SUSD4: variants seen among roughly 807,000 people sequenced by gnomAD.
SUSD4 encodes sushi domain-containing protein 4.
A neutral mutation model predicts 50.5 loss-of-function variants in SUSD4; 41 were observed. The ratio of observed to expected loss-of-function variants is 0.81; its 90% CI spans 0.63 to 1.05. The LOEUF (loss-of-function observed/expected upper bound fraction) is 1.05. Ranked by LOEUF, SUSD4 falls within the 50% of genes least tolerant of loss-of-function variation. SUSD4 has a pLI of 0.00. For missense variants in SUSD4, 580 were observed against 634.7 expected (o/e 0.91, Z 0.93); for synonymous variants, 257 against 257.3 (o/e 1.00, Z 0.01).
intron 5 of SUSD4, among the ~76,000 whole-genome samples, chr1:223,238,564 A>C (rs1177850894): frequency 6.6e-6 from 1 of 152,034 alleles, no homozygotes; most frequent in African/African-American, 2.4e-5. Context: ...TTAGTTAAAA[A>C]TATTTTTAAA....
chr1:223,342,291 C>T (rs1667802888), intron 2 of SUSD4, among the ~76,000 whole-genome samples: 1 of 152,142 alleles, frequency 6.6e-6, no homozygotes, highest in Non-Finnish European at 1.5e-5. Context: ...TAAAAATGTT[C>T]TTTCTACCCA....
intron 3 of SUSD4, among the ~76,000 whole-genome samples, chr1:223,280,482 G>C (rs1663633061): frequency 1.3e-5 from 2 of 151,970 alleles, no homozygotes; most frequent in African/African-American, 4.8e-5. Context: ...GATCAAAAGA[G>C]ACAAAGAAGG....
At chr1:223,288,255 G>C (rs1409253601) in intron 3 of SUSD4, among the ~76,000 whole-genome samples, 1 of 152,074 alleles carries the variant, frequency 6.6e-6, no homozygotes, top group East Asian at 1.9e-4. Context: ...TAAAAGCAGG[G>C]GTTTTCCCTG....
At chr1:223,294,683 G>A (rs993165254) in intron 2 of SUSD4, among the ~76,000 whole-genome samples, 6 of 152,192 alleles carry the variant, frequency 3.9e-5, no homozygotes, top group Admixed American at 3.3e-4. Context: ...TCTGACACTT[G>A]TACTTATTAA....
chr1:223,251,010 T>A (rs1661266207), intron 5 of SUSD4, among the ~76,000 whole-genome samples: 1 of 152,192 alleles, frequency 6.6e-6, no homozygotes, highest in Non-Finnish European at 1.5e-5. Flanking sequence ...CCCAGATTCT[T>A]ACACTGAAAT....
At chr1:223,359,230 T>G (rs879005378) in intron 2 of SUSD4, 12 of 445,322 alleles carry the variant, frequency 2.7e-5, no homozygotes, top group South Asian at 1.6e-4. Flanking sequence ...AGAACCCCTA[T>G]TGGAGCTTCT....
At chr1:223,247,909 C>T (rs1249552038) in intron 5 of SUSD4, among the ~76,000 whole-genome samples, 2 of 152,146 alleles carry the variant, frequency 1.3e-5, no homozygotes, top group Admixed American at 1.3e-4. Flanking sequence ...TTCAGTGGAG[C>T]CAGTATGCAA....
At chr1:223,290,759 C>G (rs1664438925) in intron 3 of SUSD4, among the ~76,000 whole-genome samples, 1 of 120,416 alleles carries the variant, frequency 8.3e-6, no homozygotes, top group Admixed American at 8.3e-5. Flanking sequence ...TTTCTCACCC[C>G]CTTTCTTGCC....
chr1:223,297,449 G>A (rs1387957555), intron 2 of SUSD4, among the ~76,000 whole-genome samples: 1 of 152,192 alleles, frequency 6.6e-6, no homozygotes, highest in Admixed American at 6.5e-5. Flanking sequence ...CGGAGAGACA[G>A]GTGGGGTTAA....
At chr1:223,307,347 C>T (rs916084773) in intron 2 of SUSD4, among the ~76,000 whole-genome samples, 1 of 152,232 alleles carries the variant, frequency 6.6e-6, no homozygotes, top group African/African-American at 2.4e-5. Context: ...ATGGATACAA[C>T]TTCACAGTTT....
At chr1:223,364,369 T>G (rs1284110562), upstream of SUSD4, among the ~76,000 whole-genome samples, 40 of 14,230 alleles carry the variant, frequency 2.8e-3, no homozygotes, top group African/African-American at 4.9e-3. This position sits in a 1 kb window ranked among gnomAD's most constrained non-coding sequence, Gnocchi z 4.5. Flanking sequence ...ACGGGGTGAG[T>G]GGGGGGGCGG....
At chr1:223,275,909 C>T (rs760446814) in intron 3 of SUSD4, among the ~76,000 whole-genome samples, 2 of 152,214 alleles carry the variant, frequency 1.3e-5, no homozygotes, top group East Asian at 1.9e-4. Flanking sequence ...GAACCTAATC[C>T]GCGCAAGCTG....
rs147717560 is a variant in SUSD4, at chr1:223,336,110, C to T, written c.148+27168G>A. Among the ~76,000 whole-genome samples the T allele has an allele frequency of 6.9e-3, 1,056 of 152,138 alleles. 9 individuals carry two copies. Among genetic ancestry groups the T allele is most frequent in the Non-Finnish European group, 8.8e-3 (601 of 68,012 alleles). ...AAATAATGACAGGCATGCGCCACCA[C>T]GCCCAGCTAATTTTGTGTTTTTTAG... On this transcript the variant is annotated intron_variant, in intron 2 of 8. Coordinates refer to ENST00000366878, the MANE Select transcript of SUSD4 (RefSeq NM_017982.4).
intron 2 of SUSD4, among the ~76,000 whole-genome samples, chr1:223,327,962 T>A (rs937296345): frequency 1.3e-5 from 2 of 152,104 alleles, no homozygotes; most frequent in East Asian, 3.9e-4. Flanking sequence ...AAGAGTACAG[T>A]AGGGAGAAGA....
chr1:223,320,548 G>A (rs977432614), intron 2 of SUSD4, among the ~76,000 whole-genome samples: 3 of 152,156 alleles, frequency 2.0e-5, no homozygotes, highest in Admixed American at 6.5e-5. Flanking sequence ...CAGAAGTGGG[G>A]GCAATGGGTT....
chr1:223,297,061 G>A (rs1330025666), intron 2 of SUSD4, among the ~76,000 whole-genome samples: 2 of 152,324 alleles, frequency 1.3e-5, no homozygotes, highest in East Asian at 3.9e-4. Flanking sequence ...GTTTCAGGAA[G>A]GAAGAAATGG....
intron 3 of SUSD4, among the ~76,000 whole-genome samples, chr1:223,269,684 T>A (rs1193753995): frequency 2.6e-5 from 4 of 152,236 alleles, no homozygotes; most frequent in African/African-American, 9.6e-5. Flanking sequence ...ATGTTCCAAA[T>A]TTGTTGATTC....
At chr1:223,312,097 G>A (rs988194126) in intron 2 of SUSD4, among the ~76,000 whole-genome samples, 3 of 152,114 alleles carry the variant, frequency 2.0e-5, no homozygotes, top group African/African-American at 7.2e-5. Flanking sequence ...TTCATGAATG[G>A]TTCTCAAAAT....
intron 3 of SUSD4, among the ~76,000 whole-genome samples, chr1:223,284,557 G>C (rs1372228113): frequency 6.6e-6 from 1 of 152,152 alleles, no homozygotes. Flanking sequence ...TAAAGCATGA[G>C]CATGTTTATT....
Sources: gnomAD v4.1 joint callset for allele counts (sites outside exome capture counted in the v4.1 genomes callset) on GRCh38, gnomAD v4.1.1 for gene constraint, Gnocchi (gnomAD v3.1) non-coding constraint, MANE v1.5 for transcripts, NCBI Gene and HGNC (gene_info 2026-07-23, HGNC 2026-07-21) for gene names.